LRRTM4: variants seen among roughly 807,000 people sequenced by gnomAD.
LRRTM4 encodes leucine rich repeat transmembrane neuronal 4.
LRRTM4 carries 25 observed loss-of-function variants against 47.6 expected under a neutral mutation model. The ratio of observed to expected loss-of-function variants is 0.53; its 90% CI spans 0.38 to 0.73. LRRTM4 has a LOEUF of 0.73. LRRTM4 is among the 30% of genes least tolerant of loss of function. LRRTM4 has a pLI of 0.00. For synonymous variants in LRRTM4, 311 were observed against 269.5 expected (o/e 1.15, Z -1.51); for missense variants, 638 against 713.4 (o/e 0.89, Z 1.20).
intron 3 of LRRTM4, among the ~76,000 whole-genome samples, chr2:76,807,404 ATACG>A (rs1225618617): frequency 2.2e-4 from 22 of 98,638 alleles, no homozygotes; most frequent in African/African-American, 6.7e-4. Context: ...ATATATGTAT[ATACG>A]TATATATATA....
chr2:77,321,568 GAAAGA>G (rs1204766752), intron 3 of LRRTM4, among the ~76,000 whole-genome samples: 18 of 113,266 alleles, frequency 1.6e-4, no homozygotes, highest in South Asian at 3.0e-4. Flanking sequence ...GGGGGTGTGT[GAAAGA>G]AAAGAAAAGA....
chr2:77,458,558 T>C (rs570593786), intron 3 of LRRTM4, among the ~76,000 whole-genome samples: 1 of 152,018 alleles, frequency 6.6e-6, no homozygotes, highest in South Asian at 2.1e-4. Flanking sequence ...AATAATGAAA[T>C]CCATTTGCAC....
intron 3 of LRRTM4, among the ~76,000 whole-genome samples, chr2:77,428,924 C>A (rs193280709): frequency 6.6e-5 from 10 of 152,268 alleles, no homozygotes; most frequent in Admixed American, 5.9e-4. Flanking sequence ...ACCTATTGAT[C>A]ACTGTTAATA....
intron 3 of LRRTM4, among the ~76,000 whole-genome samples, chr2:77,295,538 T>C (rs981737812): frequency 1.3e-5 from 2 of 152,196 alleles, no homozygotes; most frequent in East Asian, 1.9e-4. Context: ...ATTAGTTTGC[T>C]AAGGCTGCCA....
chr2:77,360,179 C>A (rs773913008), intron 3 of LRRTM4, among the ~76,000 whole-genome samples: 1 of 151,978 alleles, frequency 6.6e-6, no homozygotes, highest in African/African-American at 2.4e-5. Flanking sequence ...GCTTGTAGGC[C>A]GGGAACAGTG....
intron 3 of LRRTM4, among the ~76,000 whole-genome samples, chr2:76,960,689 T>A (rs1437641294): frequency 6.6e-6 from 1 of 151,570 alleles, no homozygotes; most frequent in East Asian, 2.0e-4. Context: ...GACTCTAGAA[T>A]CACGACGTTA....
intron 3 of LRRTM4, among the ~76,000 whole-genome samples, chr2:77,436,376 A>G (rs1337893768): frequency 6.6e-6 from 1 of 152,042 alleles, no homozygotes; most frequent in Non-Finnish European, 1.5e-5. Flanking sequence ...TAGCAATGCT[A>G]AGGTTGTTTG....
At chr2:77,243,673 C>T (rs1304575025) in intron 3 of LRRTM4, among the ~76,000 whole-genome samples, 1 of 151,926 alleles carries the variant, frequency 6.6e-6, no homozygotes, top group African/African-American at 2.4e-5. Context: ...TACACCTAGA[C>T]ATGGTTAAAC....
chr2:76,909,447 G>C (rs1159188336), intron 3 of LRRTM4, among the ~76,000 whole-genome samples: 1 of 152,038 alleles, frequency 6.6e-6, no homozygotes, highest in Non-Finnish European at 1.5e-5. Context: ...AGGACTTCAT[G>C]TCTAAAACAC....
intron 3 of LRRTM4, among the ~76,000 whole-genome samples, chr2:77,228,218 G>A (rs928950297): frequency 2.0e-5 from 3 of 152,068 alleles, no homozygotes; most frequent in Admixed American, 6.6e-5. Flanking sequence ...CCAAATCCAT[G>A]ATATTTCTAA....
At chr2:77,131,717 A>C (rs1671807829) in intron 3 of LRRTM4, among the ~76,000 whole-genome samples, 1 of 152,178 alleles carries the variant, frequency 6.6e-6, no homozygotes, top group African/African-American at 2.4e-5. Context: ...CTATTTGTAA[A>C]GGTAAGATCT....
At chr2:77,026,600 A>G (rs1678462550) in intron 3 of LRRTM4, among the ~76,000 whole-genome samples, 1 of 152,126 alleles carries the variant, frequency 6.6e-6, no homozygotes, top group African/African-American at 2.4e-5. Flanking sequence ...TTAATTTTAT[A>G]CCATATTTAA....
intron 3 of LRRTM4, among the ~76,000 whole-genome samples, chr2:77,167,077 C>T (rs1672906907): frequency 6.6e-6 from 1 of 152,024 alleles, no homozygotes; most frequent in African/African-American, 2.4e-5. Flanking sequence ...GGCTAATACC[C>T]AGAACCTACA....
At chr2:77,006,141 T>C (rs1032357429) in intron 3 of LRRTM4, among the ~76,000 whole-genome samples, 9 of 152,180 alleles carry the variant, frequency 5.9e-5, no homozygotes, top group Non-Finnish European at 1.2e-4. Flanking sequence ...TTTTCAACCA[T>C]GCTCTTCTGA....
intron 3 of LRRTM4, among the ~76,000 whole-genome samples, chr2:77,071,122 A>AGAAAACTTT (rs575155032): frequency 7.7e-4 from 118 of 152,292 alleles, no homozygotes; most frequent in African/African-American, 2.7e-3. Context: ...AGTATTTCAC[A>AGAAAACTTT]GAAAACTTTG....
At chr2:77,099,585 T>G (rs1670898203) in intron 3 of LRRTM4, among the ~76,000 whole-genome samples, 1 of 151,472 alleles carries the variant, frequency 6.6e-6, no homozygotes, top group South Asian at 2.1e-4. Flanking sequence ...TCAATAGAGC[T>G]TATAATGTTT....
intron 3 of LRRTM4, among the ~76,000 whole-genome samples, chr2:77,511,110 C>T (rs1678967973): frequency 6.6e-6 from 1 of 151,880 alleles, no homozygotes; most frequent in African/African-American, 2.4e-5. Flanking sequence ...TACAGACATC[C>T]CAAAATTTGG....
intron 3 of LRRTM4, among the ~76,000 whole-genome samples, chr2:77,345,256 A>G (rs1379932106): frequency 1.3e-5 from 2 of 151,858 alleles, no homozygotes; most frequent in South Asian, 4.1e-4. Context: ...AATAATTAAA[A>G]AGAAAAAGGG....
chr2:76,760,098 A>T (rs1673197241), intron 3 of LRRTM4, among the ~76,000 whole-genome samples: 1 of 152,108 alleles, frequency 6.6e-6, no homozygotes, highest in Admixed American at 6.6e-5. Flanking sequence ...TAGAGAATTG[A>T]GTTGTATTTG....
Sources: gnomAD v4.1 joint callset for allele counts (sites outside exome capture counted in the v4.1 genomes callset) on GRCh38, gnomAD v4.1.1 for gene constraint, MANE v1.5 for transcripts, NCBI Gene and HGNC (gene_info 2026-07-23, HGNC 2026-07-21) for gene names.